SPMIP3: variants seen among roughly 807,000 people sequenced by gnomAD.
SPMIP3 encodes the protein sperm microtubule inner protein 3, also known as protein SPMIP3.
At chr1:244,364,849 C>T in the SPMIP3 span, 13 of 1,299,670 alleles carry the variant, frequency 1.0e-5, no homozygotes, top group African/African-American at 1.8e-4. Flanking sequence ...GCTCAGTGGT[C>T]CAGAGACTAC....
At chr1:244,372,034 T>C in the SPMIP3 span, among the ~76,000 whole-genome samples, 9 of 152,352 alleles carry the variant, frequency 5.9e-5, no homozygotes, top group African/African-American at 2.2e-4. Flanking sequence ...CCCTGCTCAG[T>C]GCTTGCCTTT....
the SPMIP3 span, among the ~76,000 whole-genome samples, chr1:244,364,432 CTTAT>C: frequency 6.6e-6 from 1 of 152,066 alleles, no homozygotes; most frequent in Non-Finnish European, 1.5e-5. Flanking sequence ...TTGATTTATA[CTTAT>C]TTAATTTTTT....
At chr1:244,362,647 G>T in the SPMIP3 span, among the ~76,000 whole-genome samples, 1 of 151,992 alleles carries the variant, frequency 6.6e-6, no homozygotes, top group Non-Finnish European at 1.5e-5. Flanking sequence ...ATGACCTGCC[G>T]CAGGTCACAT....
chr1:244,369,187 G>T, the SPMIP3 span, among the ~76,000 whole-genome samples: 1 of 152,216 alleles, frequency 6.6e-6, no homozygotes, highest in Non-Finnish European at 1.5e-5. Context: ...ATATGCAACT[G>T]TTTACTGGTG....
chr1:244,366,615 C>T, the SPMIP3 span, among the ~76,000 whole-genome samples: 10 of 152,336 alleles, frequency 6.6e-5, no homozygotes, highest in Middle Eastern at 6.8e-3. Context: ...TGCAGTGGCT[C>T]GTGCCTGTAA....
the SPMIP3 span, among the ~76,000 whole-genome samples, chr1:244,363,384 G>T: frequency 6.9e-6 from 1 of 145,680 alleles, no homozygotes; most frequent in Non-Finnish European, 1.5e-5. Flanking sequence ...CTCCAACCTA[G>T]GCGACAGAGT....
At chr1:244,386,291 T>C in the SPMIP3 span, among the ~76,000 whole-genome samples, 1 of 152,242 alleles carries the variant, frequency 6.6e-6, no homozygotes, top group African/African-American at 2.4e-5. Context: ...GGTTATCAAC[T>C]AATTATTCAT....
At chr1:244,388,025 T>C in the SPMIP3 span, among the ~76,000 whole-genome samples, 1 of 152,000 alleles carries the variant, frequency 6.6e-6, no homozygotes, top group Non-Finnish European at 1.5e-5. Flanking sequence ...CCTCCCGGGT[T>C]CATGCAATTC....
At chr1:244,387,912 T>G in the SPMIP3 span, among the ~76,000 whole-genome samples, 1 of 151,876 alleles carries the variant, frequency 6.6e-6, no homozygotes, top group Non-Finnish European at 1.5e-5. Context: ...TTCATTGATT[T>G]CTTTGCTTTT....
At chr1:244,380,104 C>T in the SPMIP3 span, among the ~76,000 whole-genome samples, 2 of 146,546 alleles carry the variant, frequency 1.4e-5, no homozygotes, top group Non-Finnish European at 3.0e-5. Flanking sequence ...GGATGAATTA[C>T]TTCATTCACA....
chr1:244,378,136 C>T, the SPMIP3 span, among the ~76,000 whole-genome samples: 2 of 152,036 alleles, frequency 1.3e-5, no homozygotes, highest in East Asian at 1.9e-4. Context: ...AACAAACATC[C>T]GCAGAACAGT....
chr1:244,367,528 T>C, the SPMIP3 span, among the ~76,000 whole-genome samples: 16,539 of 151,926 alleles, frequency 0.11, 1,025 homozygotes, highest in East Asian at 0.28. Context: ...GTGCGCACTA[T>C]GGGCGGAGGG....
At chr1:244,360,040 C>A in the SPMIP3 span, among the ~76,000 whole-genome samples, 1 of 151,882 alleles carries the variant, frequency 6.6e-6, no homozygotes, top group Non-Finnish European at 1.5e-5. Flanking sequence ...ACCCGGGAGG[C>A]GGAGGTTGCA....
chr1:244,376,091 A>G, the SPMIP3 span, among the ~76,000 whole-genome samples: 1 of 152,202 alleles, frequency 6.6e-6, no homozygotes, highest in Non-Finnish European at 1.5e-5. Flanking sequence ...TGAAATAAGA[A>G]CAAGCAGAGG....
chr1:244,372,493 G>T, the SPMIP3 span, among the ~76,000 whole-genome samples: 2 of 150,682 alleles, frequency 1.3e-5, no homozygotes, highest in Non-Finnish European at 2.9e-5. Flanking sequence ...CCCCAGGCTG[G>T]AGTGCAGTGG....
chr1:244,359,655 G>A, the SPMIP3 span, among the ~76,000 whole-genome samples: 3,563 of 151,658 alleles, frequency 0.023, 121 homozygotes, highest in African/African-American at 0.081. Flanking sequence ...CACAGGAGGC[G>A]GAGGCTACAG....
chr1:244,357,281 G>T, the SPMIP3 span, among the ~76,000 whole-genome samples: 1 of 151,898 alleles, frequency 6.6e-6, no homozygotes, highest in East Asian at 1.9e-4. Flanking sequence ...GGCAAATGGG[G>T]ATAAGTGTTT....
At chr1:244,388,964 ATTAGCCACAGTTTC>A in the SPMIP3 span, 29 of 1,613,570 alleles carry the variant, frequency 1.8e-5, no homozygotes, top group Middle Eastern at 3.3e-4. Flanking sequence ...GGAACCAGAA[ATTAGCCACAGTTTC>A]GCTGAATCCT....
chr1:244,370,628 G>C, the SPMIP3 span, among the ~76,000 whole-genome samples: 1 of 152,210 alleles, frequency 6.6e-6, no homozygotes, highest in Non-Finnish European at 1.5e-5. Flanking sequence ...TAACACTGCT[G>C]TGTCTTTATG....
Sources: gnomAD v4.1 joint callset for allele counts (sites outside exome capture counted in the v4.1 genomes callset) on GRCh38, gnomAD v4.1.1 for gene constraint, MANE v1.5 for transcripts, NCBI Gene and HGNC (gene_info 2026-07-23, HGNC 2026-07-21) for gene names.